The following TAS2R1 variants were observed in gnomAD, a reference collection of about 807,000 sequenced individuals.
The protein encoded by TAS2R1 is taste receptor type 2 member 1.
For missense variants in TAS2R1, 370 were observed against 353.4 expected, an observed-to-expected ratio of 1.05 and a Z score of -0.38; for synonymous variants, 141 against 134.2, an observed-to-expected ratio of 1.05 and a Z score of -0.35.
At chr5:9,831,107 C>G in the TAS2R1 span, among the ~76,000 whole-genome samples, 2 of 152,158 alleles carry the variant, frequency 1.3e-5, no homozygotes, top group African/African-American at 2.4e-5. Context: ...GGAAATCTCA[C>G]TAACAAGCAT....
the TAS2R1 span, among the ~76,000 whole-genome samples, chr5:9,763,336 C>A: frequency 2.0e-5 from 3 of 152,128 alleles, no homozygotes; most frequent in African/African-American, 7.2e-5. Context: ...AACTCCATCT[C>A]TCCCAAAAAT....
At chr5:9,728,206 T>A in the TAS2R1 span, among the ~76,000 whole-genome samples, 2 of 152,040 alleles carry the variant, frequency 1.3e-5, no homozygotes, top group Non-Finnish European at 2.9e-5. Flanking sequence ...GAAAAAAAAA[T>A]CTTGCACAAC....
the TAS2R1 span, among the ~76,000 whole-genome samples, chr5:9,802,687 G>A: frequency 6.6e-6 from 1 of 152,154 alleles, no homozygotes; most frequent in Non-Finnish European, 1.5e-5. Context: ...CGGATCACAA[G>A]ATCAGGAGAT....
the TAS2R1 span, among the ~76,000 whole-genome samples, chr5:9,859,019 AGCT>A: frequency 3.9e-5 from 6 of 152,204 alleles, no homozygotes; most frequent in East Asian, 1.2e-3. Context: ...TGGGTTTAAT[AGCT>A]GTGTTTAAAG....
At chr5:9,895,795 T>A in the TAS2R1 span, among the ~76,000 whole-genome samples, 1 of 152,338 alleles carries the variant, frequency 6.6e-6, no homozygotes, top group East Asian at 1.9e-4. Context: ...TCCACTGAAA[T>A]TATAATTCTA....
chr5:9,747,834 G>A, the TAS2R1 span, among the ~76,000 whole-genome samples: 1 of 150,642 alleles, frequency 6.6e-6, no homozygotes, highest in Non-Finnish European at 1.5e-5. Flanking sequence ...TTTGAAAAGA[G>A]AGAAATGCTA....
the TAS2R1 span, among the ~76,000 whole-genome samples, chr5:9,743,860 A>G: frequency 6.6e-6 from 1 of 152,202 alleles, no homozygotes; most frequent in South Asian, 2.1e-4. Flanking sequence ...CTCTTTGGAA[A>G]TGATTTTTAA....
the TAS2R1 span, among the ~76,000 whole-genome samples, chr5:9,742,583 T>C: frequency 1.3e-5 from 2 of 152,244 alleles, no homozygotes; most frequent in African/African-American, 4.8e-5. Context: ...TTTTATGTCT[T>C]ATTTAAGATC....
At chr5:9,785,637 A>T in the TAS2R1 span, among the ~76,000 whole-genome samples, 1 of 152,222 alleles carries the variant, frequency 6.6e-6, no homozygotes, top group Admixed American at 6.5e-5. Context: ...CTTCTTGAGG[A>T]CACTGACATT....
chr5:9,874,356 C>A, the TAS2R1 span, among the ~76,000 whole-genome samples: 2 of 152,058 alleles, frequency 1.3e-5, no homozygotes, highest in African/African-American at 4.8e-5. Context: ...CTTTCAATGT[C>A]CTATATGGCA....
At chr5:9,781,222 C>T in the TAS2R1 span, among the ~76,000 whole-genome samples, 7 of 152,178 alleles carry the variant, frequency 4.6e-5, no homozygotes, top group African/African-American at 1.7e-4. Context: ...TGAACTTTAC[C>T]TGCAGACTTT....
chr5:9,859,406 CA>C, the TAS2R1 span, among the ~76,000 whole-genome samples: 1 of 152,230 alleles, frequency 6.6e-6, no homozygotes, highest in African/African-American at 2.4e-5. Flanking sequence ...TTACAAACCA[CA>C]CTTTGTTTTT....
At chr5:9,793,584 G>C in the TAS2R1 span, among the ~76,000 whole-genome samples, 3 of 152,148 alleles carry the variant, frequency 2.0e-5, no homozygotes, top group African/African-American at 4.8e-5. Context: ...CTCAATGCAG[G>C]TGCTCCGCTG....
the TAS2R1 span, among the ~76,000 whole-genome samples, chr5:9,724,163 T>C: frequency 6.6e-6 from 1 of 152,218 alleles, no homozygotes; most frequent in Non-Finnish European, 1.5e-5. Flanking sequence ...CAACTGTGGC[T>C]GATTTCATTT....
At chr5:9,776,260 A>T in the TAS2R1 span, among the ~76,000 whole-genome samples, 1 of 151,224 alleles carries the variant, frequency 6.6e-6, no homozygotes, top group South Asian at 2.1e-4. Flanking sequence ...TAGTCACTGC[A>T]CTCTCCCTCC....
the TAS2R1 span, among the ~76,000 whole-genome samples, chr5:9,748,766 TC>T: frequency 1.3e-5 from 2 of 152,150 alleles, no homozygotes; most frequent in African/African-American, 4.8e-5. Flanking sequence ...AGGCCTCACT[TC>T]CAACACTGGG....
chr5:9,721,037 G>A, the TAS2R1 span, among the ~76,000 whole-genome samples: 2 of 152,196 alleles, frequency 1.3e-5, no homozygotes, highest in African/African-American at 4.8e-5. Context: ...TAAGAACTGC[G>A]AGACGCGAGG....
chr5:9,635,010 C>T (rs183276782), upstream of TAS2R1, among the ~76,000 whole-genome samples: 136 of 152,148 alleles, frequency 8.9e-4, 2 homozygotes, highest in Non-Finnish European at 1.5e-3. Flanking sequence ...AAGTGGACAT[C>T]CTTGTCTTGT....
the TAS2R1 span, among the ~76,000 whole-genome samples, chr5:9,800,545 T>C: frequency 2.0e-5 from 3 of 151,822 alleles, no homozygotes; most frequent in African/African-American, 4.8e-5. Flanking sequence ...TGAATAAGAA[T>C]TGGCCAAACT....
Sources: allele counts gnomAD v4.1 joint callset (sites outside exome capture counted in the v4.1 genomes callset), GRCh38; gene constraint gnomAD v4.1.1; transcripts MANE v1.5; gene names NCBI Gene and HGNC (gene_info 2026-07-23, HGNC 2026-07-21).